KIAA1671: variants seen among roughly 807,000 people sequenced by gnomAD.
The protein encoded by KIAA1671 is KIAA1671.
KIAA1671 carries 52 observed loss-of-function variants against 131.2 expected under a neutral mutation model. The ratio of observed to expected loss-of-function variants is 0.40; its 90% CI spans 0.32 to 0.50. The LOEUF (loss-of-function observed/expected upper bound fraction) is 0.50. KIAA1671 is among the 20% of genes least tolerant of loss of function. The pLI is 0.73. For synonymous variants in KIAA1671, 1,003 were observed against 961.6 expected, an observed-to-expected ratio of 1.04 and a Z score of -0.80; for missense variants, 2,360 against 2,364.2, an observed-to-expected ratio of 1.00 and a Z score of 0.04.
intron 6 of KIAA1671, among the ~76,000 whole-genome samples, chr22:25,163,591 G>A (rs773043335): frequency 4.0e-5 from 6 of 151,136 alleles, no homozygotes; most frequent in East Asian, 1.9e-4. Flanking sequence ...ACAGGTGCAC[G>A]CCACCACGCC....
chr22:25,032,814 G>A (rs1167055454), intron 4 of KIAA1671, 118 bp downstream of exon 4: 7 of 522,906 alleles, frequency 1.3e-5, no homozygotes. Context: ...TCATGCACAC[G>A]ATAAAACATT....
At chr22:25,166,855 C>T (rs115865537) in intron 6 of KIAA1671, among the ~76,000 whole-genome samples, 154 of 152,056 alleles carry the variant, frequency 1.0e-3, no homozygotes, top group African/African-American at 3.6e-3. Context: ...GCTGTCACTC[C>T]TCTGCCTCCC....
At chr22:25,125,647 C>T (rs1196752884) in intron 6 of KIAA1671, among the ~76,000 whole-genome samples, 1 of 152,202 alleles carries the variant, frequency 6.6e-6, no homozygotes, top group Non-Finnish European at 1.5e-5. Flanking sequence ...AGCAGCATCC[C>T]CGGCCTCTGC....
At chr22:25,059,945 G>T (rs547059088) in intron 6 of KIAA1671, 1 of 152,204 alleles carries the variant, frequency 6.6e-6, no homozygotes. Flanking sequence ...ATTCCTAAAT[G>T]CCAGGCCTCC....
In KIAA1671 at chr22:25,040,450, ACCGTCCATCATCT is replaced by A; in HGVS notation, c.3322_3334del (p.Arg1108LeufsTer55). Reference sequence around the variant, plus strand: ...ATTTTAAAAACTCTGAAGCCAACAGACCGTCCATCATCTCTTGGGGCCTGGAGTCTGGACCCTT... The same window carrying A: ...ATTTTAAAAACTCTGAAGCCAACAGACTTGGGGCCTGGAGTCTGGACCCTT... On this transcript the variant is annotated frameshift_variant, in exon 5 of 13. Transcript: ENST00000358431. LOFTEE classifies it high-confidence loss of function. 6.4e-7 allele frequency: 1 copy of A among 1,552,046 alleles called. No homozygotes were observed. Among genetic ancestry groups the A allele is most frequent in the Non-Finnish European group, 8.7e-7 (1 of 1,147,074 alleles).
chr22:24,999,203 A>G (rs1490377175), intron 1 of KIAA1671, among the ~76,000 whole-genome samples: 1 of 152,198 alleles, frequency 6.6e-6, no homozygotes, highest in Non-Finnish European at 1.5e-5. Flanking sequence ...GTAGTAGTAC[A>G]GTATTTTATA....
intron 1 of KIAA1671, among the ~76,000 whole-genome samples, chr22:24,959,110 C>A (rs1369110737): frequency 6.6e-6 from 1 of 151,882 alleles, no homozygotes. Flanking sequence ...CTGCAGTGAG[C>A]TTTGATTGCA....
intron 1 of KIAA1671, among the ~76,000 whole-genome samples, chr22:24,982,528 G>T (rs1923291147): frequency 2.0e-5 from 3 of 152,204 alleles, no homozygotes; most frequent in Admixed American, 2.0e-4. Context: ...GGTGTGTGAG[G>T]CAGGAGCCAG....
intron 6 of KIAA1671, among the ~76,000 whole-genome samples, chr22:25,099,606 G>T (rs1212280492): frequency 2.9e-5 from 4 of 137,090 alleles, no homozygotes; most frequent in African/African-American, 1.1e-4. Flanking sequence ...CTAGGTTGGA[G>T]TGCAGTGGTG....
intron 1 of KIAA1671, among the ~76,000 whole-genome samples, chr22:24,958,980 C>CAAAAAAAAAAA (rs59084421): frequency 1.3e-5 from 1 of 77,552 alleles, no homozygotes; most frequent in African/African-American, 4.1e-5. Flanking sequence ...AACTTCGTAT[C>CAAAAAAAAAAA]AAAAAAAAAA....
At chr22:25,158,254 G>A (rs1933311119) in intron 6 of KIAA1671, among the ~76,000 whole-genome samples, 1 of 152,210 alleles carries the variant, frequency 6.6e-6, no homozygotes, top group Admixed American at 6.5e-5. Flanking sequence ...TCTGACATTA[G>A]AGAGGGGACA....
intron 1 of KIAA1671, among the ~76,000 whole-genome samples, chr22:24,998,346 A>AG (rs1491533419): frequency 3.9e-5 from 6 of 152,024 alleles, no homozygotes; most frequent in African/African-American, 1.4e-4. Flanking sequence ...CCAGGAGAAC[A>AG]GGGGTACAGT....
Position 24,957,671 on chromosome 22 carries a change from CTTTTTTTT to C in KIAA1671, c.-208+4915_-208+4922del, listed in dbSNP as rs886130979. Among the ~76,000 whole-genome samples the C allele has an allele frequency of 2.7e-3, 271 of 100,308 alleles. 2 individuals carry two copies. The highest frequency in any genetic ancestry group is 0.011 in the African/African-American group (262 of 23,446). 65.8% of individuals were successfully genotyped at this position (100,308 alleles called of 152,430 possible). Reference sequence around the variant, plus strand: ...GAATCTGGGCTAAGCTCTTTTGTTCCTTTTTTTTTTTTTTTTTTTTTTTGAGACGGAGT... The same window carrying C: ...GAATCTGGGCTAAGCTCTTTTGTTCCTTTTTTTTTTTTTTTGAGACGGAGT... On this transcript the variant is annotated intron_variant, in intron 1 of 12. Transcript: ENST00000358431.
intron 6 of KIAA1671, among the ~76,000 whole-genome samples, chr22:25,077,323 A>T (rs1160893400): frequency 6.6e-6 from 1 of 152,026 alleles, no homozygotes; most frequent in Non-Finnish European, 1.5e-5. Flanking sequence ...TGTGCTGAGG[A>T]TTAGCTAAGA....
At chr22:25,072,576 G>A (rs1004842779) in intron 6 of KIAA1671, among the ~76,000 whole-genome samples, 4 of 152,174 alleles carry the variant, frequency 2.6e-5, no homozygotes, top group African/African-American at 9.7e-5. Context: ...TAGCCCAGGT[G>A]TCTGCACTTC....
intron 6 of KIAA1671, among the ~76,000 whole-genome samples, chr22:25,169,443 G>A (rs1216973634): frequency 6.9e-6 from 1 of 143,968 alleles, no homozygotes; most frequent in African/African-American, 2.6e-5. Context: ...AAAAAAAGGT[G>A]ACTGAGAGCG....
intron 12 of KIAA1671, among the ~76,000 whole-genome samples, chr22:25,191,801 A>G (rs1934679635): frequency 6.6e-6 from 1 of 152,194 alleles, no homozygotes; most frequent in African/African-American, 2.4e-5. Context: ...GCCAAATTCC[A>G]GAAAGCCCTG....
At chr22:25,172,367 G>C (rs12167832) in intron 7 of KIAA1671, among the ~76,000 whole-genome samples, 3 of 152,204 alleles carry the variant, frequency 2.0e-5, no homozygotes, top group Non-Finnish European at 4.4e-5. Context: ...GGCACACCCA[G>C]CCTTGGACAG....
chr22:25,085,338 C>T (rs750496237), intron 6 of KIAA1671, among the ~76,000 whole-genome samples: 7 of 152,232 alleles, frequency 4.6e-5, no homozygotes, highest in Non-Finnish European at 1.0e-4. Context: ...GAGTATGCCA[C>T]AGTCAGAAGA....
Sources: gnomAD v4.1 joint callset for allele counts (sites outside exome capture counted in the v4.1 genomes callset) on GRCh38, gnomAD v4.1.1 for gene constraint, MANE v1.5 for transcripts, NCBI Gene and HGNC (gene_info 2026-07-23, HGNC 2026-07-21) for gene names.